The following CRTAC1 variants were observed in gnomAD, a reference collection of about 807,000 sequenced individuals.
CRTAC1 encodes acidic secreted protein in cartilage.
Under a neutral mutation model 67.8 loss-of-function variants are expected in CRTAC1, and 37 were observed. The ratio of observed to expected loss-of-function variants is 0.55; its 90% CI spans 0.42 to 0.72. The LOEUF (loss-of-function observed/expected upper bound fraction) is 0.72, where lower values mean the gene tolerates loss of function less well. Ranked by LOEUF, CRTAC1 falls within the 30% of genes least tolerant of loss-of-function variation. The pLI, the probability that CRTAC1 is intolerant of heterozygous loss-of-function variation, is 0.00. For missense variants in CRTAC1, 780 were observed against 931.6 expected (o/e 0.84, Z 2.12); for synonymous variants, 348 against 371.0 (o/e 0.94, Z 0.71).
In CRTAC1 at chr10:97,904,525, T is replaced by C. The variant is rs562382215; in HGVS notation, c.996+144A>G. On this transcript the variant is annotated intron_variant, in intron 7 of 14. Transcript: ENST00000370597. The stretch of plus-strand genomic sequence containing the variant: ...TAACCTCTGCCTCCTGGGCTCAAGA[T>C]TCCTGTGCCTCAGCTACCGGAGTAG... 8.3e-5 allele frequency: 57 copies of C among 686,056 alleles called. No individual in the cohort carries two copies. In the African/African-American group the frequency reaches 9.3e-4, roughly 11 times the overall value. The allele number at this position is 686,056 out of a possible 1,614,324, so 42.5% of individuals were successfully genotyped here.
intron 12 of CRTAC1, among the ~76,000 whole-genome samples, chr10:97,883,281 C>T (rs76794854): frequency 0.017 from 2,525 of 152,334 alleles, 79 homozygotes; most frequent in African/African-American, 0.056. Context: ...CTGGCCAGGG[C>T]TGATGGGTGG....
intron 2 of CRTAC1, among the ~76,000 whole-genome samples, chr10:97,955,597 T>C (rs957441691): frequency 6.6e-6 from 1 of 152,228 alleles, no homozygotes; most frequent in Non-Finnish European, 1.5e-5. Context: ...GTCTTGTGCA[T>C]GCCTCTACTG....
intron 13 of CRTAC1, 115 bp downstream of exon 13, chr10:97,882,671 C>T (rs2050231065): frequency 9.3e-7 from 1 of 1,069,952 alleles, no homozygotes; most frequent in Non-Finnish European, 1.4e-6. Context: ...AACACCCTCC[C>T]CTGTCCTCCT....
chr10:97,906,534 C>G (rs893622366), intron 6 of CRTAC1, among the ~76,000 whole-genome samples: 2 of 152,188 alleles, frequency 1.3e-5, no homozygotes, highest in African/African-American at 4.8e-5. Flanking sequence ...CCAACTTGTT[C>G]GCTCACCTCT....
intron 2 of CRTAC1, 78 bp downstream of exon 2, chr10:98,011,060 G>A: frequency 8.2e-7 from 1 of 1,221,132 alleles, no homozygotes; most frequent in Non-Finnish European, 1.2e-6. Flanking sequence ...CAAGTCACTG[G>A]GGTTTGGAGT....
At chr10:97,960,188 C>A (rs1203406780) in intron 2 of CRTAC1, among the ~76,000 whole-genome samples, 1 of 152,240 alleles carries the variant, frequency 6.6e-6, no homozygotes, top group Non-Finnish European at 1.5e-5. Flanking sequence ...CTGGGGATAG[C>A]GGTCTCAGCC....
chr10:97,914,354 GC>G (rs2050729359), intron 5 of CRTAC1, among the ~76,000 whole-genome samples: 2 of 152,330 alleles, frequency 1.3e-5, no homozygotes, highest in South Asian at 4.1e-4. Context: ...CTCTGGCAGA[GC>G]CTCAGAGTGG....
rs752404058 is a variant in CRTAC1 at position 97,865,591 on chromosome 10, T to C, written c.1943A>G (p.Asn648Ser). The part of the protein sequence containing the change: ...AAPVLVDGDL[N>S]LGSVVKESCE... Reference sequence around the variant, plus strand: ...GCTCTCCTTAACCACCGACCCCAGATTGAGATCTCCATCTACGAGGACCGG... The same window carrying C: ...GCTCTCCTTAACCACCGACCCCAGACTGAGATCTCCATCTACGAGGACCGG... Residue 648 changes from asparagine (N) to serine (S), a missense_variant, in exon 15 of 15, where the codon AAT (asparagine) becomes AGT (serine). Asn to Ser is a conservative substitution (Grantham distance 46). Coordinates refer to ENST00000370597, the MANE Select transcript of CRTAC1 (RefSeq NM_018058.7). The C allele has an allele frequency of 2.5e-6, 4 of 1,613,096 alleles. No individual in the cohort carries two copies. The highest frequency in any genetic ancestry group is 3.4e-6 in the Non-Finnish European group (4 of 1,179,324).
intron 6 of CRTAC1, among the ~76,000 whole-genome samples, chr10:97,905,332 T>C (rs569929666): frequency 6.7e-4 from 102 of 152,302 alleles, no homozygotes; most frequent in African/African-American, 2.3e-3. Context: ...TTCCAGCTCC[T>C]GGGCCTTTGC....
chr10:97,962,903 C>A (rs559034533), intron 2 of CRTAC1, among the ~76,000 whole-genome samples: 2 of 151,224 alleles, frequency 1.3e-5, no homozygotes, highest in South Asian at 4.2e-4. Context: ...AAACAAAAAA[C>A]AAAAAAAACA....
intron 14 of CRTAC1, chr10:97,879,845 G>GA: frequency 4.2e-6 from 2 of 481,482 alleles, no homozygotes; most frequent in African/African-American, 2.4e-5. Context: ...GGGAAAAAGA[G>GA]AAAGGGGGTG....
At chr10:97,905,163 AG>A (rs1400566088) in intron 6 of CRTAC1, among the ~76,000 whole-genome samples, 1 of 152,156 alleles carries the variant, frequency 6.6e-6, no homozygotes, top group Non-Finnish European at 1.5e-5. Context: ...TGCCACTGGA[AG>A]ACATTAAGCT....
chr10:97,961,731 C>T (rs1298966704), intron 2 of CRTAC1, among the ~76,000 whole-genome samples: 1 of 152,214 alleles, frequency 6.6e-6, no homozygotes, highest in Non-Finnish European at 1.5e-5. Context: ...TAAACATAGA[C>T]TTCCAAGGTT....
intron 2 of CRTAC1, among the ~76,000 whole-genome samples, chr10:97,963,461 G>A (rs1486643899): frequency 6.6e-6 from 1 of 152,166 alleles, no homozygotes; most frequent in Non-Finnish European, 1.5e-5. Context: ...CCACTGGCTT[G>A]GACTATTGCA....
chr10:97,900,381 T>C (rs539362205), intron 8 of CRTAC1, among the ~76,000 whole-genome samples: 1 of 152,350 alleles, frequency 6.6e-6, no homozygotes, highest in African/African-American at 2.4e-5. Flanking sequence ...AATTAAAATA[T>C]TTATGGTCAA....
chr10:97,867,895 G>A (rs929871288), intron 14 of CRTAC1: 4 of 152,262 alleles, frequency 2.6e-5, no homozygotes, highest in African/African-American at 4.8e-5. Flanking sequence ...GTCTACTGAA[G>A]AGGCAGACAC....
chr10:97,889,032 A>C (rs990442540), intron 11 of CRTAC1, among the ~76,000 whole-genome samples: 1 of 151,686 alleles, frequency 6.6e-6, no homozygotes, highest in African/African-American at 2.4e-5. Context: ...TCGGAGAGGC[A>C]GCTCTGAGTC....
intron 2 of CRTAC1, among the ~76,000 whole-genome samples, chr10:97,999,021 CTGA>C (rs1419404525): frequency 6.6e-6 from 1 of 152,248 alleles, no homozygotes; most frequent in Non-Finnish European, 1.5e-5. Context: ...CAAGAACCTT[CTGA>C]TGATGGCAGA....
rs757267901 is a variant in CRTAC1, at chr10:97,991,099, C to CAAAAAAAAAAAAA, written c.224+20026_224+20038dup. Among the ~76,000 whole-genome samples, 26 of 17,976 alleles carry CAAAAAAAAAAAAA rather than the reference C, an allele frequency of 1.4e-3. 2 individuals carry two copies. The highest frequency in any genetic ancestry group is 1.9e-3 in the African/African-American group (10 of 5,338). 11.8% of individuals were successfully genotyped at this position (17,976 alleles called of 152,430 possible). A position where few individuals can be genotyped will look rare whatever the true frequency, so the allele number is the denominator to read the frequency against. ...GGCAACATACGAGAAACCATCTCTA[C>CAAAAAAAAAAAAA]AAAAAAAAAAAAAAAAAAAAAAAAA... On this transcript the variant is annotated intron_variant, in intron 2 of 14. Transcript: ENST00000370597.
Sources: allele counts gnomAD v4.1 joint callset (sites outside exome capture counted in the v4.1 genomes callset), GRCh38; gene constraint gnomAD v4.1.1; transcripts MANE v1.5; gene names NCBI Gene and HGNC (gene_info 2026-07-23, HGNC 2026-07-21).